DENND1A: variants seen among roughly 807,000 people sequenced by gnomAD.
The protein encoded by DENND1A is DENN domain-containing protein 1A.
A neutral mutation model predicts 113.7 loss-of-function variants in DENND1A; 51 were observed. That is an observed-to-expected ratio of 0.45 (90% CI 0.36 to 0.57). DENND1A has a LOEUF of 0.57. DENND1A is among the 20% of genes least tolerant of loss of function. The pLI is 0.00. For missense variants in DENND1A, 1,258 were observed against 1,395.9 expected (o/e 0.90, Z 1.57); for synonymous variants, 565 against 570.8 (o/e 0.99, Z 0.14).
chr9:123,454,257 T>C (rs551000888), intron 16 of DENND1A, among the ~76,000 whole-genome samples: 1 of 152,220 alleles, frequency 6.6e-6, no homozygotes, highest in Non-Finnish European at 1.5e-5. Flanking sequence ...AAAGGCAAGA[T>C]TTCGAATTCT....
In DENND1A at chr9:123,509,547, T is replaced by C. The variant is rs560372485; in HGVS notation, c.993+48023A>G. Among the ~76,000 whole-genome samples, 24 of 152,326 alleles carry C rather than the reference T, an allele frequency of 1.6e-4. No individual in the cohort carries two copies. In the South Asian group the frequency reaches 4.1e-3, roughly 26 times the overall value. ...TTGAGCCTTCTCTCTGGGTCACAGA[T>C]GGATGGCACATCCCCAGTGAACATG... On this transcript the variant is annotated intron_variant, in intron 13 of 23. Coordinates refer to ENST00000394215, the MANE Select transcript of DENND1A (RefSeq NM_001352964.2).
At chr9:123,693,088 A>G (rs1157713730) in intron 5 of DENND1A, among the ~76,000 whole-genome samples, 1 of 152,194 alleles carries the variant, frequency 6.6e-6, no homozygotes, top group Admixed American at 6.5e-5. Context: ...TATATCAAAT[A>G]AACTCCACCC....
intron 9 of DENND1A, among the ~76,000 whole-genome samples, chr9:123,642,182 C>T (rs1259244284): frequency 1.3e-5 from 2 of 152,114 alleles, no homozygotes; most frequent in East Asian, 1.9e-4. Flanking sequence ...AAGAGAAAAC[C>T]AATTCACACA....
At chr9:123,509,555 A>C (rs2053266276) in intron 13 of DENND1A, among the ~76,000 whole-genome samples, 1 of 152,182 alleles carries the variant, frequency 6.6e-6, no homozygotes, top group African/African-American at 2.4e-5. Context: ...GATGGATGGC[A>C]CATCCCCAGT....
chr9:123,387,715 G>T lies in DENND1A; in HGVS notation c.1760+15C>A, dbSNP rs759334541. ...CCAAGCCGAGCTCAGGGAAATGGAA[G>T]AAGGAAGGAGAGACCATTCAAAGGG... On this transcript the variant is annotated intron_variant, in intron 22 of 23. Transcript: ENST00000394215. 1.0e-5 allele frequency: 13 copies of T among 1,288,372 alleles called. No homozygotes were observed. In the South Asian group the frequency reaches 1.5e-4, roughly 15 times the overall value. The allele number at this position is 1,288,372 out of a possible 1,614,324, so 79.8% of individuals were successfully genotyped here.
At chr9:123,823,918 GGAGA>G (rs1838905199) in intron 2 of DENND1A, among the ~76,000 whole-genome samples, 1 of 152,172 alleles carries the variant, frequency 6.6e-6, no homozygotes, top group East Asian at 1.9e-4. Context: ...AGCAAAATTA[GGAGA>G]ATGATCCTAA....
At chr9:123,508,338 G>C (rs2053151677) in intron 13 of DENND1A, among the ~76,000 whole-genome samples, 3 of 152,150 alleles carry the variant, frequency 2.0e-5, no homozygotes, top group Admixed American at 1.3e-4. Flanking sequence ...AGAAAATACA[G>C]CCATTTTAAA....
intron 1 of DENND1A, among the ~76,000 whole-genome samples, chr9:123,926,203 A>G (rs993003238): frequency 2.0e-5 from 3 of 152,206 alleles, no homozygotes; most frequent in African/African-American, 7.2e-5. Context: ...CTACCTGCAT[A>G]CTGGTGACCT....
rs2071300157 is a variant in DENND1A at position 123,764,472 on chromosome 9, C to T, written c.182+5042G>A. Among the ~76,000 whole-genome samples the T allele has an allele frequency of 6.6e-6, 1 of 152,190 alleles. No homozygotes were observed. The highest frequency in any genetic ancestry group is 1.5e-5 in the Non-Finnish European group (1 of 68,024). The stretch of plus-strand genomic sequence containing the variant: ...CCGTAAGCCTCAAAGCTTCCTTCCA[C>T]AAACACACCTTACATCTGCCTAGGC... On this transcript the variant is annotated intron_variant, in intron 4 of 23. Coordinates refer to ENST00000394215, the MANE Select transcript of DENND1A (RefSeq NM_001352964.2). The surrounding 1 kb of genome is among the most constrained non-coding windows in gnomAD (Gnocchi z 4.1).
rs868687052 is a variant in DENND1A, at chr9:123,587,577, G to A, written c.766-4307C>T. Among the ~76,000 whole-genome samples, 6 of 152,240 alleles carry A rather than the reference G, an allele frequency of 3.9e-5. 1 individual carries two copies. The highest frequency in any genetic ancestry group is 2.0e-4 in the Admixed American group (3 of 15,298). ...CATATGGACAGGCGTCCCCCCATGC[G>A]TCCGTTTATAGGCTCTCCACAAGGG... On this transcript the variant is annotated intron_variant, in intron 11 of 23. Coordinates refer to ENST00000394215, the MANE Select transcript of DENND1A (RefSeq NM_001352964.2).
chr9:123,386,629 C>T (rs2042577586), intron 22 of DENND1A, among the ~76,000 whole-genome samples: 1 of 152,090 alleles, frequency 6.6e-6, no homozygotes, highest in African/African-American at 2.4e-5. Flanking sequence ...AGTGATCCGC[C>T]CGCTTTGGCC....
At chr9:123,389,211 C>T (rs911554724) in intron 21 of DENND1A, among the ~76,000 whole-genome samples, 3 of 152,238 alleles carry the variant, frequency 2.0e-5, no homozygotes, top group African/African-American at 7.2e-5. Context: ...TGGTGCCCAT[C>T]CCAGCACTTG....
intron 1 of DENND1A, among the ~76,000 whole-genome samples, chr9:123,895,114 G>A (rs2133815898): frequency 6.6e-6 from 1 of 151,478 alleles, no homozygotes; most frequent in Middle Eastern, 3.4e-3. Flanking sequence ...CTGGGGTGCA[G>A]TGACTATTCA....
At chr9:123,553,399 C>G (rs1422944421) in intron 13 of DENND1A, among the ~76,000 whole-genome samples, 4 of 67,154 alleles carry the variant, frequency 6.0e-5, no homozygotes, top group East Asian at 3.4e-4. Flanking sequence ...TTTTAAAAGC[C>G]GCCCCCCCCC....
chr9:123,645,573 G>GA (rs1168106491), intron 9 of DENND1A, among the ~76,000 whole-genome samples: 1 of 152,184 alleles, frequency 6.6e-6, no homozygotes, highest in Non-Finnish European at 1.5e-5. Flanking sequence ...AAACTCCGCA[G>GA]AACCTCTCAG....
intron 13 of DENND1A, among the ~76,000 whole-genome samples, chr9:123,488,218 C>A (rs910152812): frequency 3.3e-5 from 5 of 152,250 alleles, no homozygotes; most frequent in Admixed American, 3.3e-4. Flanking sequence ...GTGAACCCTG[C>A]TTGTTCAATT....
intron 3 of DENND1A, among the ~76,000 whole-genome samples, chr9:123,780,127 T>A (rs1831078345): frequency 6.6e-6 from 1 of 152,208 alleles, no homozygotes; most frequent in Non-Finnish European, 1.5e-5. Flanking sequence ...GTACTGGGAT[T>A]ACAGGCGTGA....
At chr9:123,602,305 A>G (rs1451748794) in intron 11 of DENND1A, among the ~76,000 whole-genome samples, 1 of 152,264 alleles carries the variant, frequency 6.6e-6, no homozygotes, top group African/African-American at 2.4e-5. Flanking sequence ...TACAACAATT[A>G]TACAAATATT....
chr9:123,797,332 A>T (rs1230993166), intron 2 of DENND1A, among the ~76,000 whole-genome samples: 35 of 152,190 alleles, frequency 2.3e-4, no homozygotes, highest in Admixed American at 2.3e-3. Flanking sequence ...TGCTGCAAAC[A>T]GGATAACAGT....
Sources: allele counts gnomAD v4.1 joint callset (sites outside exome capture counted in the v4.1 genomes callset), GRCh38; gene constraint gnomAD v4.1.1; non-coding constraint Gnocchi (gnomAD v3.1); transcripts MANE v1.5; gene names NCBI Gene and HGNC (gene_info 2026-07-23, HGNC 2026-07-21).